Variants in GTPBP1 observed in about 807,000 individuals in gnomAD.
The protein encoded by GTPBP1 is GTP-binding protein 1.
Under a neutral mutation model 62.0 loss-of-function variants are expected in GTPBP1, and 23 were observed. The ratio of observed to expected loss-of-function variants is 0.37; its 90% CI spans 0.27 to 0.53. The LOEUF (loss-of-function observed/expected upper bound fraction) is 0.53, where lower values mean the gene tolerates loss of function less well. Among genes scored for constraint, GTPBP1 ranks in the 20% least tolerant of loss-of-function variants. The pLI is 0.89. For synonymous variants in GTPBP1, 344 were observed against 364.4 expected (o/e 0.94, Z 0.64); for missense variants, 640 against 917.3 (o/e 0.70, Z 3.90).
downstream of GTPBP1, chr22:38,740,021 G>T: frequency 1.3e-6 from 2 of 1,500,010 alleles, no homozygotes; most frequent in South Asian, 1.2e-5. The surrounding 1 kb of genome is among the most constrained non-coding windows in gnomAD (Gnocchi z 4.8). Flanking sequence ...CTAGTGCTTA[G>T]CTGGATAGCA....
downstream of GTPBP1, chr22:38,738,089 C>T (rs1296814873): frequency 3.2e-5 from 39 of 1,235,870 alleles, no homozygotes; most frequent in Non-Finnish European, 4.3e-5. This position sits in a 1 kb window ranked among gnomAD's most constrained non-coding sequence, Gnocchi z 6.6. Flanking sequence ...GAACCCCATG[C>T]CTGGCAGGGT....
At chr22:38,736,435 CAGAGA>C, downstream of GTPBP1, 2 of 1,461,092 alleles carry the variant, frequency 1.4e-6, no homozygotes, top group Non-Finnish European at 1.9e-6. Context: ...GCCTCACTGA[CAGAGA>C]AGGTGGGAAG....
At chr22:38,722,458 A>G (rs1415088689) in intron 5 of GTPBP1, among the ~76,000 whole-genome samples, 1 of 152,222 alleles carries the variant, frequency 6.6e-6, no homozygotes, top group Non-Finnish European at 1.5e-5. Context: ...TAAGGCTAAG[A>G]CAGAAGAGTG....
chr22:38,735,671 C>G (rs1258352121), downstream of GTPBP1: 6 of 167,838 alleles, frequency 3.6e-5, no homozygotes, highest in Non-Finnish European at 1.3e-5. Flanking sequence ...GCTACCCTCC[C>G]CGGGACAAAT....
chr22:38,741,613 C>T, downstream of GTPBP1: 1 of 1,566,982 alleles, frequency 6.4e-7, no homozygotes, highest in African/African-American at 1.4e-5. Flanking sequence ...CAGAGCCATG[C>T]TTATAGGGAC....
In GTPBP1 at chr22:38,731,834, A is replaced by G. The variant is rs143624761; in HGVS notation, c.*1130A>G. The G allele has an allele frequency of 6.6e-6, 1 of 152,414 alleles. No homozygotes were observed. Among genetic ancestry groups the G allele is most frequent in the African/African-American group, 2.4e-5 (1 of 41,540 alleles). 9.4% of individuals were successfully genotyped at this position (152,414 alleles called of 1,614,324 possible). ...AAGGCCTGAGCTCCAGGTTTGAAAGACCCAACTGGAGCGTGGGGCGGGCAG... is the reference window on the plus strand; with the variant it reads ...AAGGCCTGAGCTCCAGGTTTGAAAGGCCCAACTGGAGCGTGGGGCGGGCAG... On this transcript the variant is annotated 3_prime_UTR_variant, in exon 12 of 12. Transcript: ENST00000216044.
rs2092602699 is a variant in GTPBP1, at chr22:38,706,142, A to G, written c.187A>G (p.Ser63Gly). 1 of 1,257,448 alleles carries G rather than the reference A, an allele frequency of 8.0e-7. No homozygotes were observed. The highest frequency in any genetic ancestry group is 1.0e-6 in the Non-Finnish European group (1 of 1,000,276). The allele number at this position is 1,257,448 out of a possible 1,614,324, so 77.9% of individuals were successfully genotyped here. Residue 63 changes from serine to glycine, a missense_variant, in exon 1 of 12, where the codon AGC becomes GGC. Transcript: ENST00000216044. ...CGGCGAGCCAGAGCTGGACCTCACC[A>G]GCAAGGTAGGCCCGGGCGGCGGCGG... ...LNGEPELDLT[S>G]KLVLVSPTSE...
downstream of GTPBP1, chr22:38,740,990 C>A: frequency 6.3e-7 from 1 of 1,585,830 alleles, no homozygotes; most frequent in Non-Finnish European, 8.6e-7. This position sits in a 1 kb window ranked among gnomAD's most constrained non-coding sequence, Gnocchi z 4.8. Flanking sequence ...CCGAGGCCAG[C>A]TGGTGGCGCC....
At chr22:38,738,727 C>T (rs1384723835), downstream of GTPBP1, 1 of 1,613,578 alleles carries the variant, frequency 6.2e-7, no homozygotes, top group Non-Finnish European at 8.5e-7. The surrounding 1 kb of genome is among the most constrained non-coding windows in gnomAD (Gnocchi z 6.6). Flanking sequence ...CCCTGGAAGG[C>T]CCAGCAGTTG....
At chr22:38,708,775 A>G (rs990616500) in intron 1 of GTPBP1, 70 bp from the exon 2 acceptor site, 1 of 867,386 alleles carries the variant, frequency 1.2e-6, no homozygotes, top group Admixed American at 1.7e-5. Context: ...TGGTTAGGCT[A>G]TATTGATCAG....
At chr22:38,729,106 A>C (rs1239025965) in intron 10 of GTPBP1, 1 of 177,738 alleles carries the variant, frequency 5.6e-6, no homozygotes, top group African/African-American at 2.4e-5. Flanking sequence ...GGCTCTGTGC[A>C]GGCTCTGGGC....
intron 10 of GTPBP1, chr22:38,728,455 C>T (rs2092738439): frequency 9.5e-6 from 4 of 422,736 alleles, no homozygotes; most frequent in South Asian, 5.6e-5. Context: ...GGTGCTGTCA[C>T]AGGTTCCTAT....
At chr22:38,737,436 C>A (rs2092816091), downstream of GTPBP1, among the ~76,000 whole-genome samples, 1 of 152,198 alleles carries the variant, frequency 6.6e-6, no homozygotes, top group African/African-American at 2.4e-5. This position sits in a 1 kb window ranked among gnomAD's most constrained non-coding sequence, Gnocchi z 4.1. Flanking sequence ...TTCCCTCAAC[C>A]ACTTCCTGAC....
rs2092754411 is a variant in GTPBP1 at position 38,730,815 on chromosome 22, A to G, written c.*111A>G. On this transcript the variant is annotated 3_prime_UTR_variant, in exon 12 of 12. Coordinates refer to ENST00000216044, the MANE Select transcript of GTPBP1 (RefSeq NM_004286.5). The surrounding 1 kb of genome is among the most constrained non-coding windows in gnomAD (Gnocchi z 5.6). Reference sequence around the variant, plus strand: ...CACCCAGCCCTCCCGCTCAGGCCACAGCCGGAGCCTCCGCATTGCCCCCAC... The same window carrying G: ...CACCCAGCCCTCCCGCTCAGGCCACGGCCGGAGCCTCCGCATTGCCCCCAC... 4.9e-6 allele frequency: 3 copies of G among 612,850 alleles called. No individual in the cohort carries two copies. Among genetic ancestry groups the G allele is most frequent in the Admixed American group, 6.5e-5 (2 of 30,814 alleles). 38.0% of individuals were successfully genotyped at this position (612,850 alleles called of 1,614,324 possible).
rs2092751769 is a variant in GTPBP1, at chr22:38,730,514, G to A, written c.1918-98G>A. The A allele has an allele frequency of 6.0e-6, 5 of 834,422 alleles. No homozygotes were observed. The highest frequency in any genetic ancestry group is 1.9e-5 in the Admixed American group (1 of 52,212). 51.7% of individuals were successfully genotyped at this position (834,422 alleles called of 1,614,324 possible). On this transcript the variant is annotated intron_variant, in intron 11 of 11. Transcript: ENST00000216044. The surrounding 1 kb of genome is among the most constrained non-coding windows in gnomAD (Gnocchi z 5.6). Reference sequence around the variant, plus strand: ...GGTGAGGACCACGCAGCCTGCTCACGCATCTTCCGTCCCTGTCTCCCCGCT... The same window carrying A: ...GGTGAGGACCACGCAGCCTGCTCACACATCTTCCGTCCCTGTCTCCCCGCT...
rs535570043 is a variant in GTPBP1, at chr22:38,719,443, G to C, written c.835-2299G>C. ...CCATCTCAGCCTCCCAAGTACCTAG[G>C]ACCACAGGCGTGCACAACCATGCCT... is the stretch of plus-strand genomic sequence containing the variant. On this transcript the variant is annotated intron_variant, in intron 4 of 11. Transcript: ENST00000216044. Among the ~76,000 whole-genome samples, 11 of 152,160 alleles carry C rather than the reference G, an allele frequency of 7.2e-5. No individual in the cohort carries two copies. In the East Asian group the frequency reaches 2.1e-3, roughly 29 times the overall value.
At chr22:38,709,497 G>A (rs976662442) in intron 2 of GTPBP1, among the ~76,000 whole-genome samples, 1 of 152,100 alleles carries the variant, frequency 6.6e-6, no homozygotes, top group Non-Finnish European at 1.5e-5. Flanking sequence ...TTTACCTCCA[G>A]TACTCTCTAT....
Position 38,716,112 on chromosome 22 carries a change from G to A in GTPBP1, c.485+25G>A. 1 of 1,548,978 alleles carries A rather than the reference G, an allele frequency of 6.5e-7. No homozygotes were observed. The highest frequency in any genetic ancestry group is 8.8e-7 in the Non-Finnish European group (1 of 1,142,638). On this transcript the variant is annotated intron_variant, in intron 3 of 11. Transcript: ENST00000216044. The surrounding 1 kb of genome is among the most constrained non-coding windows in gnomAD (Gnocchi z 5.2). ...GGTGAGGAGGCCGCGGGACATTTTGGGGTCCCCATTCTTCACAGAGGTTGG... is the reference window on the plus strand; with the variant it reads ...GGTGAGGAGGCCGCGGGACATTTTGAGGTCCCCATTCTTCACAGAGGTTGG...
rs1485386411 is a variant in GTPBP1 at position 38,726,238 on chromosome 22, C to T, written c.1219-20C>T. The stretch of plus-strand genomic sequence containing the variant: ...TGTGCTGGGGATGCACTTATGAGGC[C>T]AGGGTCTTCTCCTTGGCAGGGTGTG... On this transcript the variant is annotated intron_variant, in intron 7 of 11. Coordinates refer to ENST00000216044, the MANE Select transcript of GTPBP1 (RefSeq NM_004286.5). This position sits in a 1 kb window ranked among gnomAD's most constrained non-coding sequence, Gnocchi z 4.1. The T allele has an allele frequency of 6.2e-7, 1 of 1,613,478 alleles. No homozygotes were observed. Among genetic ancestry groups the T allele is most frequent in the South Asian group, 1.1e-5 (1 of 91,036 alleles).
Sources: gnomAD v4.1 joint callset for allele counts (sites outside exome capture counted in the v4.1 genomes callset) on GRCh38, gnomAD v4.1.1 for gene constraint, Gnocchi (gnomAD v3.1) non-coding constraint, MANE v1.5 for transcripts, NCBI Gene and HGNC (gene_info 2026-07-23, HGNC 2026-07-21) for gene names.